Variants in BAIAP2 observed in about 807,000 individuals in gnomAD.
The protein encoded by BAIAP2 is BAR/IMD domain-containing adapter protein 2.
In BAIAP2, 18 loss-of-function variants were observed where a neutral mutation model predicts 63.0. That is an observed-to-expected ratio of 0.29 (90% CI 0.20 to 0.42). BAIAP2 has a LOEUF of 0.42. BAIAP2 is among the 10% of genes least tolerant of loss of function. The probability of loss-of-function intolerance (pLI) is 1.00; values close to 1 mark genes in which losing one functional copy is unlikely to be tolerated. For synonymous variants in BAIAP2, 386 were observed against 307.6 expected (o/e 1.25, Z -2.67); for missense variants, 610 against 734.3 (o/e 0.83, Z 1.96).
intron 3 of BAIAP2, among the ~76,000 whole-genome samples, chr17:81,066,062 C>T (rs936714179): frequency 6.6e-6 from 1 of 152,276 alleles, no homozygotes; most frequent in Non-Finnish European, 1.5e-5. Flanking sequence ...TGTTTCTTGT[C>T]CAACTGCTCT....
chr17:81,101,666 C>G (rs937519856), intron 7 of BAIAP2, among the ~76,000 whole-genome samples: 1 of 152,180 alleles, frequency 6.6e-6, no homozygotes, highest in African/African-American at 2.4e-5. Context: ...TGATACAGAA[C>G]CAGTGCTCCA....
chr17:81,048,613 T>C (rs927635430), intron 1 of BAIAP2, among the ~76,000 whole-genome samples: 2 of 152,104 alleles, frequency 1.3e-5, no homozygotes, highest in Admixed American at 6.5e-5. Flanking sequence ...TGGCCAGCAG[T>C]GTCCAGCAGC....
chr17:81,077,373 C>T (rs1019077525), intron 3 of BAIAP2, among the ~76,000 whole-genome samples: 4 of 152,026 alleles, frequency 2.6e-5, no homozygotes, highest in Non-Finnish European at 4.4e-5. Context: ...TTGAGACCAG[C>T]CTGGCCAACA....
intron 3 of BAIAP2, among the ~76,000 whole-genome samples, chr17:81,064,222 G>A (rs923568848): frequency 1.3e-5 from 2 of 152,222 alleles, no homozygotes; most frequent in Admixed American, 6.5e-5. Context: ...TACTCACAGG[G>A]CAGTCTGCCT....
chr17:81,080,428 G>A (rs1159089003), intron 3 of BAIAP2, among the ~76,000 whole-genome samples: 2 of 152,258 alleles, frequency 1.3e-5, no homozygotes, highest in Admixed American at 1.3e-4. Context: ...GACCTCCCCT[G>A]TGTGTGCGCC....
intron 3 of BAIAP2, chr17:81,083,329 G>C (rs2054960316): frequency 6.6e-6 from 1 of 152,282 alleles, no homozygotes; most frequent in African/African-American, 2.4e-5. Flanking sequence ...AGCCATTCAG[G>C]GAGGGACAGG....
intron 3 of BAIAP2, chr17:81,076,181 C>G (rs1439216426): frequency 6.6e-6 from 1 of 152,232 alleles, no homozygotes; most frequent in Non-Finnish European, 1.5e-5. Flanking sequence ...GAATCAATCC[C>G]TGTTACCATC....
intron 5 of BAIAP2, 93 bp from the exon 6 acceptor site, chr17:81,086,350 C>G (rs1351815975): frequency 2.0e-6 from 3 of 1,501,828 alleles, no homozygotes; most frequent in Non-Finnish European, 2.7e-6. Flanking sequence ...GACCCCGTTG[C>G]GTTGGGCTCA....
chr17:81,070,109 C>T (rs957047248), intron 3 of BAIAP2, among the ~76,000 whole-genome samples: 2 of 152,170 alleles, frequency 1.3e-5, no homozygotes, highest in Non-Finnish European at 2.9e-5. Flanking sequence ...CAGGTGTGTG[C>T]TGTCACGCCT....
intron 7 of BAIAP2, among the ~76,000 whole-genome samples, chr17:81,102,035 C>T (rs544058192): frequency 1.3e-5 from 2 of 152,288 alleles, no homozygotes; most frequent in Admixed American, 6.5e-5. Flanking sequence ...GGAAGCCAGG[C>T]TGCTTGCCGC....
At chr17:81,091,723 C>T (rs888295024) in intron 6 of BAIAP2, among the ~76,000 whole-genome samples, 5 of 152,218 alleles carry the variant, frequency 3.3e-5, no homozygotes, top group African/African-American at 1.2e-4. Flanking sequence ...GAAGTGACCC[C>T]ACGCAAGGGT....
At chr17:81,109,167 C>T (rs937150980) in intron 13 of BAIAP2, 5 of 1,432,034 alleles carry the variant, frequency 3.5e-6, no homozygotes, top group African/African-American at 2.9e-5. Context: ...CCCCAGGGTC[C>T]ATGGTGCTGC....
chr17:81,062,302 G>T (rs2050691460), intron 3 of BAIAP2, among the ~76,000 whole-genome samples: 3 of 115,690 alleles, frequency 2.6e-5, no homozygotes, highest in Non-Finnish European at 5.8e-5. Flanking sequence ...TAGTTCAATG[G>T]ACTGATTTTT....
At chr17:81,110,898 TTG>T in intron 13 of BAIAP2, 3 of 1,613,768 alleles carry the variant, frequency 1.9e-6, no homozygotes, top group Middle Eastern at 1.6e-4. Flanking sequence ...CAACTGAGCC[TTG>T]TGTTTCCTTG....
Position 81,106,115 on chromosome 17 carries a change from G to A in BAIAP2, c.1306G>A (p.Asp436Asn), listed in dbSNP as rs1378384366. The change falls in exon 11 of 14, where the codon GAC becomes AAC. Residue 436 changes from aspartate (D) to asparagine (N), a missense_variant. Physicochemically the swap from Asp to Asn is conservative, Grantham distance 23. Transcript: ENST00000428708. ...WFPFSYTRVL[D>N]SDGSDRLHMS... is the part of the protein sequence containing the mutation. ...TCCCTTCTCCTACACCCGGGTCTTG[G>A]ACAGCGATGGCAGTGACAGGCTGCA... 1.3e-6 allele frequency: 2 copies of A among 1,584,686 alleles called. No homozygotes were observed. The highest frequency in any genetic ancestry group is 1.7e-6 in the Non-Finnish European group (2 of 1,165,140).
intron 2 of BAIAP2, among the ~76,000 whole-genome samples, chr17:81,055,575 T>TTTTTTTTTTTTTTTTGTTTTG (rs2049385431): frequency 7.0e-5 from 2 of 28,428 alleles, no homozygotes; most frequent in South Asian, 1.8e-3. Flanking sequence ...GGGTGTTTTG[T>TTTTTTTTTTTTTTTTGTTTTG]TTTTTTTTGA....
intron 6 of BAIAP2, chr17:81,098,255 T>TG: frequency 8.1e-7 from 1 of 1,233,156 alleles, no homozygotes; most frequent in Non-Finnish European, 1.0e-6. Context: ...CTGCCCAGGA[T>TG]GGGAGCACAG....
intron 1 of BAIAP2, among the ~76,000 whole-genome samples, chr17:81,043,455 G>A (rs940730908): frequency 2.6e-5 from 4 of 152,208 alleles, no homozygotes; most frequent in African/African-American, 9.7e-5. Context: ...GCTGCGGTCC[G>A]ACCGGTGGCA....
In BAIAP2 at chr17:81,086,346, G is replaced by A. The variant is rs555249659; in HGVS notation, c.352-97G>A. 8.1e-6 allele frequency: 12 copies of A among 1,472,536 alleles called. No individual in the cohort carries two copies. The East Asian group carries it at 1.4e-4, about 17-fold the overall frequency. 91.2% of individuals were successfully genotyped at this position (1,472,536 alleles called of 1,614,324 possible). A position where few individuals can be genotyped will look rare whatever the true frequency, so the allele number is the denominator to read the frequency against. On this transcript the variant is annotated intron_variant, in intron 5 of 13. Coordinates refer to ENST00000428708, the MANE Select transcript of BAIAP2 (RefSeq NM_001144888.2). ...GTGGCAGGGCTGGCAAGGGGACCCC[G>A]TTGCGTTGGGCTCATGGGCCTCGGT...
Sources: gnomAD v4.1 joint callset for allele counts (sites outside exome capture counted in the v4.1 genomes callset) on GRCh38, gnomAD v4.1.1 for gene constraint, MANE v1.5 for transcripts, NCBI Gene and HGNC (gene_info 2026-07-23, HGNC 2026-07-21) for gene names.